Variants in SIN3B observed in about 807,000 individuals in gnomAD.
SIN3B encodes the protein paired amphipathic helix protein Sin3b.
A neutral mutation model predicts 120.2 loss-of-function variants in SIN3B; 19 were observed. The observed-to-expected ratio is 0.16, with a 90% CI of 0.11 to 0.23. The LOEUF is 0.23. SIN3B is among the 10% of genes least tolerant of loss of function. The probability of loss-of-function intolerance (pLI) is 1.00; values close to 1 mark genes in which losing one functional copy is unlikely to be tolerated. For missense variants in SIN3B, 1,073 were observed against 1,573.0 expected, an observed-to-expected ratio of 0.68 and a Z score of 5.38; for synonymous variants, 654 against 653.2, an observed-to-expected ratio of 1.00 and a Z score of -0.02.
chr19:16,845,350 G>T (rs552886071), intron 4 of SIN3B, among the ~76,000 whole-genome samples: 18 of 152,314 alleles, frequency 1.2e-4, no homozygotes, highest in Non-Finnish European at 1.8e-4. Context: ...TCGTCTCACT[G>T]CAGCCTCCGC....
At chr19:16,852,031 T>C (rs971293218) in intron 6 of SIN3B, among the ~76,000 whole-genome samples, 1 of 152,260 alleles carries the variant, frequency 6.6e-6, no homozygotes, top group East Asian at 1.9e-4. Context: ...TATTTAGTTA[T>C]GTATATTAGA....
At position 16,841,287 on chromosome 19, in the gene SIN3B, C is replaced by T. The variant is rs373604744; in HGVS notation, c.382-481C>T. 4.5e-4 allele frequency among the ~76,000 whole-genome samples: 69 copies of T among 152,314 alleles called. No individual in the cohort carries two copies. In the South Asian group the frequency reaches 0.014, roughly 30 times the overall value. ...ATGTCATGTCCCTTGAAGTCCCCAA[C>T]AACCTGGACAGTGGGTCGCCTCTAA... On this transcript the variant is annotated intron_variant, in intron 3 of 18. Transcript: ENST00000248054.
rs1418982296 is a variant in SIN3B at position 16,865,446 on chromosome 19, C to T, written c.1420C>T (p.Arg474Cys). Residue 474 changes from arginine to cysteine, a missense_variant, in exon 11 of 19, where the codon CGT (arginine) becomes TGT (cysteine). By Grantham distance (180) the Arg-to-Cys change is radical (BLOSUM62 -3). Transcript: ENST00000248054. ...CCTGGAGACGAACCTGGCCACAATC[C>T]GTGTGTTGGAAAGTGTGCAGAAGAA... The part of the protein sequence containing the change: ...VVLETNLATI[R>C]VLESVQKKLS... 2 of 1,608,852 alleles carry T rather than the reference C, an allele frequency of 1.2e-6. No individual in the cohort carries two copies. The highest frequency in any genetic ancestry group is 1.3e-5 in the African/African-American group (1 of 74,720).
At chr19:16,830,069 A>G (rs1971260282) in intron 2 of SIN3B, among the ~76,000 whole-genome samples, 172 bp downstream of exon 2, 1 of 152,110 alleles carries the variant, frequency 6.6e-6, no homozygotes, top group South Asian at 2.1e-4. Context: ...AATGGGTAGT[A>G]CCCACCTTGT....
rs2051651901 is a variant in SIN3B, at chr19:16,878,874, G to A, written c.*147G>A. On this transcript the variant is annotated 3_prime_UTR_variant, in exon 19 of 19. Coordinates refer to ENST00000248054, the MANE Select transcript of SIN3B (RefSeq NM_001297595.2). ...ACAGCGCACTCCAGGGCAGGACGCCGCCCCCGTGGCTCCCGGTCTCCTGTG... is the reference window on the plus strand; with the variant it reads ...ACAGCGCACTCCAGGGCAGGACGCCACCCCCGTGGCTCCCGGTCTCCTGTG... The A allele has an allele frequency of 2.0e-5, 15 of 737,038 alleles. No homozygotes were observed. Among genetic ancestry groups the A allele is most frequent in the East Asian group, 1.4e-4 (5 of 36,596 alleles). 45.7% of individuals were successfully genotyped at this position (737,038 alleles called of 1,614,324 possible). A position where few individuals can be genotyped will look rare whatever the true frequency, so the allele number is the denominator to read the frequency against.
chr19:16,838,970 C>CTTTTTTT (rs34648986), intron 3 of SIN3B, among the ~76,000 whole-genome samples: 1 of 86,600 alleles, frequency 1.2e-5, no homozygotes, highest in Non-Finnish European at 2.1e-5. Flanking sequence ...CCGCGCCTGG[C>CTTTTTTT]TTTTTTTTTT....
intron 10 of SIN3B, among the ~76,000 whole-genome samples, chr19:16,864,304 T>G (rs1337138590): frequency 6.6e-6 from 1 of 152,074 alleles, no homozygotes; most frequent in African/African-American, 2.4e-5. Context: ...CTAAAAAGTT[T>G]CTTTAATGTA....
chr19:16,860,939 G>A (rs555016573), intron 8 of SIN3B, among the ~76,000 whole-genome samples: 3 of 152,134 alleles, frequency 2.0e-5, no homozygotes, highest in African/African-American at 7.2e-5. Context: ...GCTTAGAGAC[G>A]GGGTCCTGCT....
chr19:16,833,725 T>A (rs897615814), intron 3 of SIN3B, among the ~76,000 whole-genome samples: 2 of 151,538 alleles, frequency 1.3e-5, no homozygotes, highest in Admixed American at 6.6e-5. Context: ...TCTCAGGGTT[T>A]TTTTTTTGCC....
chr19:16,857,897 G>A (rs1971638260), intron 8 of SIN3B, among the ~76,000 whole-genome samples: 1 of 151,332 alleles, frequency 6.6e-6, no homozygotes, highest in Admixed American at 6.6e-5. Context: ...CTTTTTTTGA[G>A]ACGGAGTCTA....
rs114334084 is a variant in SIN3B at position 16,848,164 on chromosome 19, T to G, written c.726+1051T>G. Among the ~76,000 whole-genome samples the G allele has an allele frequency of 2.9e-3, 441 of 152,320 alleles. 2 individuals are homozygous for G. Among genetic ancestry groups the G allele is most frequent in the African/African-American group, 0.01 (428 of 41,568 alleles). On this transcript the variant is annotated intron_variant, in intron 5 of 18. Transcript: ENST00000248054. ...TTATCCGTATTCTGTTGATGGACAT[T>G]TGGGTTGTTTCTGCCTTTTGGCTGT...
chr19:16,873,782 C>T (rs1222412461), intron 14 of SIN3B, among the ~76,000 whole-genome samples: 2 of 152,264 alleles, frequency 1.3e-5, no homozygotes, highest in Admixed American at 1.3e-4. Context: ...ACCCCAGCTG[C>T]ATCTCCCTGG....
Position 16,841,914 on chromosome 19 carries a change from C to T in SIN3B, c.528C>T (p.Phe176=). ...ISYVNKIKTR[F]LDHPEIYRSF... ...ATGTGAATAAGATTAAAACCCGCTTCCTAGACCACCCAGAAATCTACAGGT... is the reference window on the plus strand; with the variant it reads ...ATGTGAATAAGATTAAAACCCGCTTTCTAGACCACCCAGAAATCTACAGGT... The change falls in exon 4 of 19, where the codon TTC becomes TTT. Residue 176 remains phenylalanine (F), a synonymous_variant. Transcript: ENST00000248054. 1 of 1,614,128 alleles carries T rather than the reference C, an allele frequency of 6.2e-7. No homozygotes were observed. The highest frequency in any genetic ancestry group is 8.5e-7 in the Non-Finnish European group (1 of 1,180,042).
chr19:16,849,128 T>C (rs1015812371), intron 5 of SIN3B, among the ~76,000 whole-genome samples: 2 of 152,244 alleles, frequency 1.3e-5, no homozygotes, highest in Non-Finnish European at 2.9e-5. Flanking sequence ...GCATCTGTTG[T>C]GTGAAGTATA....
At chr19:16,852,030 A>G (rs1025088871) in intron 6 of SIN3B, among the ~76,000 whole-genome samples, 1 of 152,082 alleles carries the variant, frequency 6.6e-6, no homozygotes, top group Non-Finnish European at 1.5e-5. Flanking sequence ...TTATTTAGTT[A>G]TGTATATTAG....
intron 4 of SIN3B, chr19:16,844,238 T>G (rs947426882): frequency 6.6e-6 from 1 of 152,276 alleles, no homozygotes; most frequent in Admixed American, 6.5e-5. Flanking sequence ...GTGTAAATTA[T>G]CCTGGTTTTA....
Position 16,863,651 on chromosome 19 carries a change from G to A in SIN3B, c.1267-29G>A, listed in dbSNP as rs375392788. On this transcript the variant is annotated intron_variant, in intron 9 of 18. Transcript: ENST00000248054. The stretch of plus-strand genomic sequence containing the variant: ...AATCTTGGCTCCTGGGGCATGCAGC[G>A]TCATTCACGGCATTTCCTCTTGGTG... 1.0e-4 allele frequency: 146 copies of A among 1,442,544 alleles called. 1 individual carries two copies. In the South Asian group the frequency reaches 1.3e-3, roughly 13 times the overall value. The allele number at this position is 1,442,544 out of a possible 1,614,324, so 89.4% of individuals were successfully genotyped here. A position where few individuals can be genotyped will look rare whatever the true frequency, so the allele number is the denominator to read the frequency against.
At chr19:16,864,728 C>A (rs914539341) in intron 10 of SIN3B, among the ~76,000 whole-genome samples, 1 of 151,474 alleles carries the variant, frequency 6.6e-6, no homozygotes, top group South Asian at 2.1e-4. Context: ...CGATGGCTCA[C>A]GCCTGTAATC....
rs1971698057 is a variant in SIN3B at position 16,862,210 on chromosome 19, T to C, written c.1059-142T>C. The C allele has an allele frequency of 1.5e-6, 1 of 677,352 alleles. No homozygotes were observed. The highest frequency in any genetic ancestry group is 1.8e-5 in the African/African-American group (1 of 55,496). The allele number at this position is 677,352 out of a possible 1,614,324, so 42.0% of individuals were successfully genotyped here. A position where few individuals can be genotyped will look rare whatever the true frequency, so the allele number is the denominator to read the frequency against. ...CAGTGACTTCCTGTGTATTGGATTC[T>C]TCCGCCTCTCATTCGCATCCATGAT... On this transcript the variant is annotated intron_variant, in intron 8 of 18. Transcript: ENST00000248054. The surrounding 1 kb of genome is among the most constrained non-coding windows in gnomAD (Gnocchi z 4.7).
Sources: gnomAD v4.1 joint callset for allele counts (sites outside exome capture counted in the v4.1 genomes callset) on GRCh38, gnomAD v4.1.1 for gene constraint, Gnocchi (gnomAD v3.1) non-coding constraint, MANE v1.5 for transcripts, NCBI Gene and HGNC (gene_info 2026-07-23, HGNC 2026-07-21) for gene names.